CSE1L: variants seen among roughly 807,000 people sequenced by gnomAD.
CSE1L encodes the protein chromosome segregation 1 like.
In CSE1L, 24 loss-of-function variants were observed where a neutral mutation model predicts 120.4. The ratio of observed to expected loss-of-function variants is 0.20; its 90% CI spans 0.14 to 0.28. The LOEUF (loss-of-function observed/expected upper bound fraction) is 0.28, where lower values mean the gene tolerates loss of function less well. Among genes scored for constraint, CSE1L ranks in the 10% least tolerant of loss-of-function variants. CSE1L has a pLI of 1.00. For missense variants in CSE1L, 830 were observed against 1,145.2 expected (o/e 0.72, Z 3.97); for synonymous variants, 402 against 398.3 (o/e 1.01, Z -0.11).
chr20:49,066,456 G>T lies in CSE1L; in HGVS notation c.422G>T (p.Gly141Val), dbSNP rs2091893015. 1 of 1,614,038 alleles carries T rather than the reference G, an allele frequency of 6.2e-7. No individual in the cohort carries two copies. The highest frequency in any genetic ancestry group is 2.2e-5 in the East Asian group (1 of 44,898). ...LTEMVNRFQS[G>V]DFHVINGVLR... is the part of the protein sequence containing the mutation. ...GAAATGGTGAATCGCTTTCAGAGTG[G>T]AGATTTCCATGTTATTAATGGAGTC... Residue 141 changes from glycine (G) to valine (V), a missense_variant, in exon 5 of 25, where the codon GGA becomes GTA. This residue lies in a region of CSE1L where 543 missense variants were observed against 640.2 expected (regional missense o/e 0.85). Coordinates refer to ENST00000262982, the MANE Select transcript of CSE1L (RefSeq NM_001316.4).
chr20:49,093,572 TTTTTTTTTC>T, intron 22 of CSE1L, among the ~76,000 whole-genome samples: 1 of 81,246 alleles, frequency 1.2e-5, no homozygotes, highest in South Asian at 3.8e-4. Flanking sequence ...CTCTTTTTTT[TTTTTTTTTC>T]TTTTTTTTTT....
chr20:49,070,078 CA>C, intron 7 of CSE1L, 126 bp from the exon 8 acceptor site: 1 of 525,168 alleles, frequency 1.9e-6, no homozygotes. Flanking sequence ...GAATTCTTGT[CA>C]GAATAGGTAA....
Position 49,058,456 on chromosome 20 carries a change from C to G in CSE1L, c.-8C>G. 6.2e-7 allele frequency: 1 copy of G among 1,605,726 alleles called. No individual in the cohort carries two copies. Among genetic ancestry groups the G allele is most frequent in the South Asian group, 1.1e-5 (1 of 90,582 alleles). ...CAAACCTTATTTTATATTTTAGATC[C>G]TATAGCAATGGAACTCAGCGATGCA... is the stretch of plus-strand genomic sequence containing the variant. On this transcript the variant is annotated 5_prime_UTR_variant, in exon 2 of 25. Coordinates refer to ENST00000262982, the MANE Select transcript of CSE1L (RefSeq NM_001316.4).
chr20:49,063,899 T>G (rs1403381162), intron 3 of CSE1L, among the ~76,000 whole-genome samples: 1 of 152,160 alleles, frequency 6.6e-6, no homozygotes, highest in Non-Finnish European at 1.5e-5. Flanking sequence ...TTGTGGGATA[T>G]GTATATATAT....
intron 1 of CSE1L, among the ~76,000 whole-genome samples, chr20:49,054,652 C>T (rs758822386): frequency 3.7e-4 from 57 of 152,210 alleles, no homozygotes; most frequent in Non-Finnish European, 7.2e-4. Flanking sequence ...GTGCCTGGTT[C>T]ATACATGTGA....
intron 14 of CSE1L, among the ~76,000 whole-genome samples, chr20:49,082,772 T>C (rs1431156974): frequency 6.6e-6 from 1 of 152,090 alleles, no homozygotes; most frequent in Non-Finnish European, 1.5e-5. Context: ...CCGCCCGCCT[T>C]GGCCTCCCAA....
chr20:49,054,372 C>T (rs766413448), intron 1 of CSE1L, among the ~76,000 whole-genome samples: 4 of 152,188 alleles, frequency 2.6e-5, no homozygotes. Context: ...CCCCACCGCT[C>T]AGTTGTCCTC....
chr20:49,062,138 C>G (rs533277460), intron 2 of CSE1L, among the ~76,000 whole-genome samples: 1 of 152,228 alleles, frequency 6.6e-6, no homozygotes, highest in South Asian at 2.1e-4. Flanking sequence ...TTGCCCTGTA[C>G]AAAATGCTGG....
At chr20:49,047,407 G>A (rs3092374) in intron 1 of CSE1L, among the ~76,000 whole-genome samples, 1 of 151,530 alleles carries the variant, frequency 6.6e-6, no homozygotes, top group Non-Finnish European at 1.5e-5. Context: ...ATATTCCAGG[G>A]TTATTCCGAT....
At chr20:49,053,928 G>A (rs565866478) in intron 1 of CSE1L, among the ~76,000 whole-genome samples, 3 of 152,026 alleles carry the variant, frequency 2.0e-5, no homozygotes, top group Admixed American at 6.5e-5. Context: ...GGGCTCAAGC[G>A]ATCGTCTGCC....
intron 1 of CSE1L, among the ~76,000 whole-genome samples, chr20:49,047,879 T>C (rs2091732460): frequency 6.6e-6 from 1 of 152,208 alleles, no homozygotes; most frequent in South Asian, 2.1e-4. Context: ...TAGCATTTAC[T>C]AACACTTACT....
At chr20:49,057,004 T>G (rs1302536939) in intron 1 of CSE1L, among the ~76,000 whole-genome samples, 1 of 152,150 alleles carries the variant, frequency 6.6e-6, no homozygotes, top group Non-Finnish European at 1.5e-5. Flanking sequence ...TTGTTAGTAG[T>G]TAAATCGACG....
intron 13 of CSE1L, 45 bp downstream of exon 13, chr20:49,077,109 A>G: frequency 8.8e-7 from 1 of 1,134,564 alleles, no homozygotes; most frequent in East Asian, 2.5e-5. Context: ...GCCACACTAT[A>G]CCTGAATTCA....
chr20:49,077,107 A>G (rs753370262), intron 13 of CSE1L, 43 bp downstream of exon 13: 1 of 1,170,172 alleles, frequency 8.5e-7, no homozygotes, highest in Non-Finnish European at 1.2e-6. Context: ...TTGCCACACT[A>G]TACCTGAATT....
At chr20:49,087,637 G>C (rs1461808882) in intron 16 of CSE1L, among the ~76,000 whole-genome samples, 1 of 152,132 alleles carries the variant, frequency 6.6e-6, no homozygotes, top group Non-Finnish European at 1.5e-5. Context: ...TTACAGGTGT[G>C]AGCCACCAAG....
chr20:49,069,103 G>A (rs1317563889), intron 7 of CSE1L, among the ~76,000 whole-genome samples: 1 of 152,016 alleles, frequency 6.6e-6, no homozygotes, highest in Non-Finnish European at 1.5e-5. Context: ...TTTTACTGGT[G>A]GCATTAAGAA....
chr20:49,079,959 A>G (rs2091998499), intron 14 of CSE1L, among the ~76,000 whole-genome samples: 1 of 152,110 alleles, frequency 6.6e-6, no homozygotes, highest in Admixed American at 6.6e-5. Flanking sequence ...CTATAATCCC[A>G]TCTACTCGGG....
chr20:49,092,140 T>C lies in CSE1L; in HGVS notation c.2447+13T>C. The C allele has an allele frequency of 2.1e-6, 3 of 1,448,278 alleles. No individual in the cohort carries two copies. The highest frequency in any genetic ancestry group is 2.9e-6 in the Non-Finnish European group (3 of 1,051,890). 89.7% of individuals were successfully genotyped at this position (1,448,278 alleles called of 1,614,324 possible). On this transcript the variant is annotated intron_variant, in intron 22 of 24. Transcript: ENST00000262982. ...GTATACAACCAAAGTAAGTTTGTTT[T>C]TATTATTTTTTAAAGGAAGAAAATG...
intron 14 of CSE1L, among the ~76,000 whole-genome samples, chr20:49,081,544 G>T: frequency 6.6e-6 from 1 of 152,162 alleles, no homozygotes; most frequent in Non-Finnish European, 1.5e-5. Context: ...ATCTTAAATG[G>T]TATCTCATTG....
Sources: allele counts gnomAD v4.1 joint callset (sites outside exome capture counted in the v4.1 genomes callset), GRCh38; gene constraint gnomAD v4.1.1; regional missense constraint gnomAD v4.1.1; transcripts MANE v1.5; gene names NCBI Gene and HGNC (gene_info 2026-07-23, HGNC 2026-07-21).